Variants in SLC22A25 observed in about 807,000 individuals in gnomAD.
SLC22A25 encodes MGI:2442751, MGI:2385316, MGI:3042283, MGI:3645714, MGI:3605624, MGI:2442750.
Under a neutral mutation model 45.9 loss-of-function variants are expected in SLC22A25, and 44 were observed. The observed-to-expected ratio is 0.96, with a 90% CI of 0.75 to 1.23. The LOEUF is 1.23. Ranked by LOEUF, SLC22A25 falls within the 50% of genes most tolerant of loss-of-function variation. The pLI is 0.00. For missense variants in SLC22A25, 800 were observed against 666.4 expected, an observed-to-expected ratio of 1.20 and a Z score of -2.21; for synonymous variants, 283 against 238.6, an observed-to-expected ratio of 1.19 and a Z score of -1.72.
intron 7 of SLC22A25, among the ~76,000 whole-genome samples, chr11:63,199,510 C>G (rs1369942661): frequency 5.9e-5 from 9 of 151,936 alleles, no homozygotes; most frequent in Non-Finnish European, 1.3e-4. Context: ...ATACTAAGAC[C>G]CTGCTTGAAT....
chr11:63,228,590 C>G (rs1450943511), intron 4 of SLC22A25, 26 bp from the exon 5 acceptor site: 2 of 1,534,302 alleles, frequency 1.3e-6, no homozygotes, highest in Admixed American at 1.7e-5. Context: ...ACCCTCATAT[C>G]AATGCTTATA....
At position 63,198,209 on chromosome 11, in the gene SLC22A25, C is replaced by T. The variant is rs142139736; in HGVS notation, c.831-14392G>A. 9.4e-3 allele frequency among the ~76,000 whole-genome samples: 1,436 copies of T among 152,244 alleles called. 2 individuals carry two copies. Among genetic ancestry groups the T allele is most frequent in the Non-Finnish European group, 0.013 (918 of 68,008 alleles). On this transcript the variant is annotated intron_variant, in intron 7 of 11. Coordinates refer to ENST00000306494, the MANE Select transcript of SLC22A25 (RefSeq NM_199352.6). ...GAACTAGAAATACCATTTGACCCAG[C>T]GATCCCATTACTGGGTATATATCCA...
In SLC22A25 at chr11:63,199,784, C is replaced by T. The variant is rs530123439; in HGVS notation, c.831-15967G>A. Among the ~76,000 whole-genome samples, 15 of 151,372 alleles carry T rather than the reference C, an allele frequency of 9.9e-5. No individual in the cohort carries two copies. The South Asian group carries it at 2.9e-3, about 30-fold the overall frequency. Reference sequence around the variant, plus strand: ...TAAAAAAACACCTGAAGCCACTACCCAAAAATCAATAGGCGACGTCCGAGA... The same window carrying T: ...TAAAAAAACACCTGAAGCCACTACCTAAAAATCAATAGGCGACGTCCGAGA... On this transcript the variant is annotated intron_variant, in intron 7 of 11. Coordinates refer to ENST00000306494, the MANE Select transcript of SLC22A25 (RefSeq NM_199352.6).
chr11:63,164,150 A>G, intron 11 of SLC22A25, 77 bp from the exon 12 acceptor site: 1 of 1,504,394 alleles, frequency 6.6e-7, no homozygotes, highest in Non-Finnish European at 8.9e-7. Flanking sequence ...TTTTGCTGTG[A>G]TTATGGATGA....
intron 5 of SLC22A25, among the ~76,000 whole-genome samples, chr11:63,226,742 C>G (rs2089969688): frequency 6.6e-6 from 1 of 152,292 alleles, no homozygotes; most frequent in East Asian, 1.9e-4. Flanking sequence ...GGCAAGTTCC[C>G]CTTGGCCCCA....
chr11:63,177,784 C>T (rs2088145982), intron 9 of SLC22A25, among the ~76,000 whole-genome samples: 2 of 119,834 alleles, frequency 1.7e-5, no homozygotes, highest in South Asian at 3.2e-4. Flanking sequence ...TTTCTCTCTA[C>T]ATATCCGATT....
At chr11:63,231,002 A>G (rs2134845006) in intron 3 of SLC22A25, among the ~76,000 whole-genome samples, 1 of 152,324 alleles carries the variant, frequency 6.6e-6, no homozygotes, top group Non-Finnish European at 1.5e-5. Flanking sequence ...ATGGCTGTAT[A>G]GTATTCCATG....
In SLC22A25 at chr11:63,180,780, A is replaced by G; in HGVS notation, c.955-5T>C. ...CTTCATGGTGGATTTCAAAACCTTCAACAACAACAGAAGCAATAAACTGTT... is the reference window on the plus strand; with the variant it reads ...CTTCATGGTGGATTTCAAAACCTTCGACAACAACAGAAGCAATAAACTGTT... On this transcript the variant is annotated splice_polypyrimidine_tract_variant and splice_region_variant and intron_variant, in intron 8 of 11. Coordinates refer to ENST00000306494, the MANE Select transcript of SLC22A25 (RefSeq NM_199352.6). 1 of 1,606,810 alleles carries G rather than the reference A, an allele frequency of 6.2e-7. No homozygotes were observed. The highest frequency in any genetic ancestry group is 2.2e-5 in the East Asian group (1 of 44,706).
Position 63,172,895 on chromosome 11 carries a change from TC to T in SLC22A25, c.1071-6638del, listed in dbSNP as rs1223012719. On this transcript the variant is annotated intron_variant, in intron 9 of 11. Transcript: ENST00000306494. ...TATTATTCAAAGGATTAGAAATCAT[TC>T]TACTATAAGGACACATGCACATGTA... Among the ~76,000 whole-genome samples, 10 of 152,184 alleles carry T rather than the reference TC, an allele frequency of 6.6e-5. No individual in the cohort carries two copies. The East Asian group carries it at 1.9e-3, about 29-fold the overall frequency.
At chr11:63,224,641 T>C (rs573394217) in intron 5 of SLC22A25, among the ~76,000 whole-genome samples, 1 of 152,354 alleles carries the variant, frequency 6.6e-6, no homozygotes, top group East Asian at 1.9e-4. Context: ...CTACAATTAA[T>C]ATCTTATAAC....
In SLC22A25 at chr11:63,237,381, G is replaced by T. The variant is rs552156626; in HGVS notation, c.-445+500C>A. Among the ~76,000 whole-genome samples the T allele has an allele frequency of 1.1e-4, 17 of 152,236 alleles. No homozygotes were observed. The East Asian group carries it at 3.3e-3, about 29-fold the overall frequency. ...GGTTCATGTGGATATCGCGGAGGTG[G>T]GTTATTGCAGGAGGGGATCCTGATG... On this transcript the variant is annotated intron_variant, in intron 3 of 11. Coordinates refer to ENST00000306494, the MANE Select transcript of SLC22A25 (RefSeq NM_199352.6).
In SLC22A25 at chr11:63,166,189, C is replaced by T. The variant is rs2087676284; in HGVS notation, c.1140G>A (p.Leu380=). 6.2e-7 allele frequency: 1 copy of T among 1,613,810 alleles called. No individual in the cohort carries two copies. The highest frequency in any genetic ancestry group is 8.5e-7 in the Non-Finnish European group (1 of 1,179,898). The change falls in exon 10 of 12, where the codon CTG becomes CTA. Residue 380 remains leucine (L), a synonymous_variant. Transcript: ENST00000306494. ...TGACTGCACCAAAGAGAGTCTGCAACAGGAAAACATTGTTTCCCAGATGCT... is the reference window on the plus strand; with the variant it reads ...TGACTGCACCAAAGAGAGTCTGCAATAGGAAAACATTGTTTCCCAGATGCT... ...HLQHLGNNVF[L]LQTLFGAVTL... is the part of the protein sequence containing the mutation.
chr11:63,184,644 C>T (rs2088455319), intron 7 of SLC22A25, among the ~76,000 whole-genome samples: 1 of 152,036 alleles, frequency 6.6e-6, no homozygotes, highest in Non-Finnish European at 1.5e-5. Flanking sequence ...AATTGATGTC[C>T]CTTCCTATCA....
rs189393869 is a variant in SLC22A25 at position 63,225,093 on chromosome 11, C to T, written c.506+3368G>A. Among the ~76,000 whole-genome samples, 337 of 151,594 alleles carry T rather than the reference C, an allele frequency of 2.2e-3. 1 individual carries two copies. Among genetic ancestry groups the T allele is most frequent in the African/African-American group, 7.0e-3 (289 of 41,306 alleles). Reference sequence around the variant, plus strand: ...CAGCCTGGGTGACAGAGCAAGACTCCGTCTCAAAATAAATAAATAAATACA... The same window carrying T: ...CAGCCTGGGTGACAGAGCAAGACTCTGTCTCAAAATAAATAAATAAATACA... On this transcript the variant is annotated intron_variant, in intron 5 of 11. Coordinates refer to ENST00000306494, the MANE Select transcript of SLC22A25 (RefSeq NM_199352.6).
At chr11:63,173,106 A>G (rs2087948876) in intron 9 of SLC22A25, among the ~76,000 whole-genome samples, 2 of 151,984 alleles carry the variant, frequency 1.3e-5, no homozygotes, top group Non-Finnish European at 2.9e-5. Flanking sequence ...TTCTCAGCAA[A>G]CTAACACAGG....
intron 7 of SLC22A25, among the ~76,000 whole-genome samples, chr11:63,188,012 T>G (rs1408333766): frequency 6.6e-6 from 1 of 152,170 alleles, no homozygotes; most frequent in African/African-American, 2.4e-5. Flanking sequence ...TTCTCTTTTT[T>G]TATTGTGTCT....
At chr11:63,186,861 G>GCT (rs2088572723) in intron 7 of SLC22A25, among the ~76,000 whole-genome samples, 2 of 152,082 alleles carry the variant, frequency 1.3e-5, no homozygotes, top group African/African-American at 2.4e-5. Flanking sequence ...TTGTAGATAT[G>GCT]TGGCATTATT....
At chr11:63,227,576 G>A (rs1191765260) in intron 5 of SLC22A25, among the ~76,000 whole-genome samples, 1 of 152,186 alleles carries the variant, frequency 6.6e-6, no homozygotes, top group Non-Finnish European at 1.5e-5. Context: ...GAATGAAGGA[G>A]TCTATTTTGG....
At chr11:63,210,371 G>T (rs1423048134) in intron 7 of SLC22A25, among the ~76,000 whole-genome samples, 1 of 152,186 alleles carries the variant, frequency 6.6e-6, no homozygotes, top group Non-Finnish European at 1.5e-5. Context: ...ATTTGCTAGA[G>T]GGCATGGCTG....
Sources: allele counts gnomAD v4.1 joint callset (sites outside exome capture counted in the v4.1 genomes callset), GRCh38; gene constraint gnomAD v4.1.1; transcripts MANE v1.5; gene names NCBI Gene and HGNC (gene_info 2026-07-23, HGNC 2026-07-21).